Variants in KCNJ6 observed in about 807,000 individuals in gnomAD.
The protein encoded by KCNJ6 is G protein-activated inward rectifier potassium channel 2.
A neutral mutation model predicts 34.2 loss-of-function variants in KCNJ6; 9 were observed. The observed-to-expected ratio is 0.26, with a 90% CI of 0.16 to 0.46. KCNJ6 has a LOEUF of 0.46. Ranked by LOEUF, KCNJ6 falls within the 20% of genes least tolerant of loss-of-function variation. The probability of loss-of-function intolerance (pLI) is 1.00; values close to 1 mark genes in which losing one functional copy is unlikely to be tolerated. For missense variants in KCNJ6, 236 were observed against 531.3 expected (o/e 0.44, Z 5.46); for synonymous variants, 196 against 207.1 (o/e 0.95, Z 0.46).
At chr21:37,707,858 ACT>A (rs1286041562) in intron 3 of KCNJ6, among the ~76,000 whole-genome samples, 2 of 151,038 alleles carry the variant, frequency 1.3e-5, no homozygotes, top group African/African-American at 4.9e-5. Flanking sequence ...AAATAATAAA[ACT>A]CTATTTGTTT....
chr21:37,843,431 T>C (rs976889797), intron 1 of KCNJ6, among the ~76,000 whole-genome samples: 1 of 152,194 alleles, frequency 6.6e-6, no homozygotes, highest in African/African-American at 2.4e-5. Context: ...ACATATGTTT[T>C]GGTGTAAGTG....
At chr21:37,703,342 GA>G (rs918928590) in intron 3 of KCNJ6, among the ~76,000 whole-genome samples, 42 of 151,826 alleles carry the variant, frequency 2.8e-4, no homozygotes, top group African/African-American at 1.0e-3. Flanking sequence ...GTGTGTGGCA[GA>G]AATGGGAAAG....
intron 2 of KCNJ6, among the ~76,000 whole-genome samples, chr21:37,780,534 G>T (rs189083735): frequency 2.1e-4 from 32 of 151,500 alleles, no homozygotes; most frequent in Non-Finnish European, 2.9e-5. Flanking sequence ...TGTTCCACAC[G>T]AATGCAAGAT....
chr21:37,661,577 A>C (rs2054488178), intron 3 of KCNJ6, among the ~76,000 whole-genome samples: 2 of 149,538 alleles, frequency 1.3e-5, no homozygotes, highest in Non-Finnish European at 3.0e-5. Flanking sequence ...TACATGTAAA[A>C]AAATTAGAAG....
chr21:37,878,497 T>C (rs1281330833), intron 1 of KCNJ6, among the ~76,000 whole-genome samples: 1 of 152,236 alleles, frequency 6.6e-6, no homozygotes, highest in Non-Finnish European at 1.5e-5. Context: ...CAGCCTGCCC[T>C]TCCAGCAGGC....
chr21:37,733,341 T>C (rs2054895862), intron 2 of KCNJ6, among the ~76,000 whole-genome samples: 1 of 152,220 alleles, frequency 6.6e-6, no homozygotes, highest in Non-Finnish European at 1.5e-5. Flanking sequence ...TTCGGGGGTC[T>C]TTTGAAGAGG....
chr21:37,799,316 A>G (rs2055258291), intron 2 of KCNJ6, among the ~76,000 whole-genome samples: 1 of 152,216 alleles, frequency 6.6e-6, no homozygotes, highest in East Asian at 1.9e-4. Context: ...TGCCTTAGCC[A>G]GTCACCCAAC....
chr21:37,908,032 A>G (rs2055850001), intron 1 of KCNJ6, among the ~76,000 whole-genome samples: 1 of 152,246 alleles, frequency 6.6e-6, no homozygotes, highest in East Asian at 1.9e-4. Flanking sequence ...TTTCTAATCC[A>G]GTATTACTGC....
intron 3 of KCNJ6, among the ~76,000 whole-genome samples, chr21:37,642,243 G>A (rs1216679638): frequency 6.6e-6 from 1 of 152,146 alleles, no homozygotes; most frequent in African/African-American, 2.4e-5. Context: ...AGGGTCAAAT[G>A]AGAAGGAAAG....
At chr21:37,768,353 C>T (rs1401932083) in intron 2 of KCNJ6, among the ~76,000 whole-genome samples, 1 of 152,146 alleles carries the variant, frequency 6.6e-6, no homozygotes, top group Non-Finnish European at 1.5e-5. Flanking sequence ...TTAATGATAA[C>T]ATAAGAGAAT....
chr21:37,801,499 A>G (rs757452343), intron 2 of KCNJ6, among the ~76,000 whole-genome samples: 4 of 152,088 alleles, frequency 2.6e-5, no homozygotes, highest in Non-Finnish European at 5.9e-5. Context: ...GTCTCCCTCC[A>G]CTTCACCCTC....
intron 2 of KCNJ6, among the ~76,000 whole-genome samples, chr21:37,765,058 A>T (rs1421546517): frequency 6.6e-6 from 1 of 152,334 alleles, no homozygotes; most frequent in South Asian, 2.1e-4. Flanking sequence ...TTCAAAATTA[A>T]ATTATATAAA....
At chr21:37,844,628 A>G (rs959148790) in intron 1 of KCNJ6, among the ~76,000 whole-genome samples, 10 of 152,024 alleles carry the variant, frequency 6.6e-5, no homozygotes, top group Non-Finnish European at 1.0e-4. Flanking sequence ...GCTCCCTGCA[A>G]TCCGTGACCA....
chr21:37,685,199 T>G (rs2054607766), intron 3 of KCNJ6, among the ~76,000 whole-genome samples: 1 of 152,136 alleles, frequency 6.6e-6, no homozygotes, highest in South Asian at 2.1e-4. Flanking sequence ...ACACCCGTTT[T>G]CACTTATCCT....
chr21:37,619,163 G>A lies in KCNJ6; in HGVS notation c.*5996C>T, dbSNP rs906106496. On this transcript the variant is annotated 3_prime_UTR_variant, in exon 4 of 4. Transcript: ENST00000609713. ...TCTTTCTCATCTGATTTCCAGGAAA[G>A]CACTCATAAGAGAACTTGATATGTT... The A allele has an allele frequency of 6.6e-6, 1 of 152,068 alleles. No homozygotes were observed. Among genetic ancestry groups the A allele is most frequent in the Non-Finnish European group, 1.5e-5 (1 of 68,014 alleles). 9.4% of individuals were successfully genotyped at this position (152,068 alleles called of 1,614,324 possible).
Position 37,852,259 on chromosome 21 carries a change from T to C in KCNJ6, c.-27-11550A>G, listed in dbSNP as rs187066946. 4.6e-5 allele frequency among the ~76,000 whole-genome samples: 7 copies of C among 152,318 alleles called. No individual in the cohort carries two copies. In the South Asian group the frequency reaches 1.2e-3, roughly 27 times the overall value. On this transcript the variant is annotated intron_variant, in intron 1 of 3. Transcript: ENST00000609713. ...ACAGTGAGACTCCCTGGAGACCATA[T>C]GGGGAGCCTGGTCCTCCACACGGTT...
chr21:37,763,307 T>C (rs1274627359), intron 2 of KCNJ6, among the ~76,000 whole-genome samples: 1 of 152,140 alleles, frequency 6.6e-6, no homozygotes, highest in Non-Finnish European at 1.5e-5. Flanking sequence ...GAATTTTTGG[T>C]GGATGCGATG....
At chr21:37,664,354 G>A (rs1188755337) in intron 3 of KCNJ6, among the ~76,000 whole-genome samples, 4 of 152,066 alleles carry the variant, frequency 2.6e-5, no homozygotes, top group Admixed American at 2.0e-4. Flanking sequence ...GATGACAGCA[G>A]AAAGTAACCA....
rs142380238 is a variant in KCNJ6 at position 37,822,875 on chromosome 21, C to T, written c.25+17783G>A. Among the ~76,000 whole-genome samples the T allele has an allele frequency of 1.6e-3, 244 of 152,220 alleles. 2 individuals carry two copies. In the Middle Eastern group the frequency reaches 0.031, roughly 19 times the overall value. On this transcript the variant is annotated intron_variant, in intron 2 of 3. Coordinates refer to ENST00000609713, the MANE Select transcript of KCNJ6 (RefSeq NM_002240.5). ...GGAATTGACACCAAAACGGGGGACT[C>T]GAGAGTGATGTCAGCAGGGGGTGGA...
Sources: gnomAD v4.1 joint callset for allele counts (sites outside exome capture counted in the v4.1 genomes callset) on GRCh38, gnomAD v4.1.1 for gene constraint, MANE v1.5 for transcripts, NCBI Gene and HGNC (gene_info 2026-07-23, HGNC 2026-07-21) for gene names.